The following EXOC6B variants were observed in gnomAD, a reference collection of about 807,000 sequenced individuals.
EXOC6B encodes the protein exocyst complex component 6B.
In EXOC6B, 54 loss-of-function variants were observed where a neutral mutation model predicts 113.5. The observed-to-expected ratio is 0.48, with a 90% confidence interval of 0.38 to 0.60. The LOEUF is 0.60. Among genes scored for constraint, EXOC6B ranks in the 20% least tolerant of loss-of-function variants. The probability of loss-of-function intolerance (pLI) is 0.00; values close to 1 mark genes in which losing one functional copy is unlikely to be tolerated. For missense variants in EXOC6B, 797 were observed against 977.5 expected, an observed-to-expected ratio of 0.82 and a Z score of 2.46; for synonymous variants, 357 against 339.0, an observed-to-expected ratio of 1.05 and a Z score of -0.58.
chr2:72,446,240 C>T (rs768617807), intron 18 of EXOC6B, among the ~76,000 whole-genome samples: 7 of 152,020 alleles, frequency 4.6e-5, no homozygotes, highest in Non-Finnish European at 7.4e-5. Context: ...CCTAAATGCA[C>T]ATCAATGACA....
intron 19 of EXOC6B, among the ~76,000 whole-genome samples, chr2:72,378,381 T>C (rs1303025459): frequency 6.6e-6 from 1 of 152,178 alleles, no homozygotes; most frequent in Non-Finnish European, 1.5e-5. Flanking sequence ...TGCTTTTTGT[T>C]TGGGCTCTGC....
intron 11 of EXOC6B, among the ~76,000 whole-genome samples, chr2:72,504,051 G>C (rs566530906): frequency 6.6e-6 from 1 of 152,176 alleles, no homozygotes; most frequent in East Asian, 1.9e-4. Flanking sequence ...GGGACCACAG[G>C]CACATGCAAC....
At chr2:72,731,620 C>A (rs1275768894) in intron 3 of EXOC6B, among the ~76,000 whole-genome samples, 1 of 152,142 alleles carries the variant, frequency 6.6e-6, no homozygotes, top group African/African-American at 2.4e-5. Flanking sequence ...ATTCCCCTAG[C>A]CCCAGTTTTA....
intron 21 of EXOC6B, among the ~76,000 whole-genome samples, chr2:72,181,801 G>C (rs1008595729): frequency 2.6e-5 from 4 of 152,192 alleles, no homozygotes; most frequent in East Asian, 3.9e-4. Context: ...GTACCCTGAG[G>C]GCTAGTGGTG....
intron 8 of EXOC6B, among the ~76,000 whole-genome samples, chr2:72,546,075 G>A (rs1298461428): frequency 6.6e-6 from 1 of 152,156 alleles, no homozygotes; most frequent in Middle Eastern, 3.2e-3. Context: ...AGATTAGAGT[G>A]GGAGAACCAT....
chr2:72,339,328 G>C (rs2420444), intron 19 of EXOC6B, among the ~76,000 whole-genome samples: 55,017 of 152,006 alleles, frequency 0.36, 16,212 homozygotes, highest in African/African-American at 0.82. Context: ...ATGGAAATTC[G>C]CTTTGTGGAC....
At chr2:72,185,334 C>G (rs186201972) in intron 20 of EXOC6B, among the ~76,000 whole-genome samples, 3 of 152,384 alleles carry the variant, frequency 2.0e-5, no homozygotes, top group African/African-American at 2.4e-5. Context: ...ACACCTTCCT[C>G]CATGTCTGTC....
chr2:72,804,683 C>T (rs1456379015), intron 1 of EXOC6B, among the ~76,000 whole-genome samples: 1 of 152,032 alleles, frequency 6.6e-6, no homozygotes, highest in African/African-American at 2.4e-5. Flanking sequence ...GCAACCTCTG[C>T]CTCCTGGATT....
chr2:72,289,114 A>G lies in EXOC6B; in HGVS notation c.2196+45833T>C, dbSNP rs145829874. The G allele has an allele frequency of 2.2e-3, 627 of 285,482 alleles. 1 individual carries two copies. The highest frequency in any genetic ancestry group is 0.014 in the African/African-American group (601 of 44,286). The allele number at this position is 285,482 out of a possible 1,614,324, so 17.7% of individuals were successfully genotyped here. ...GGGGAAATCCTGGGATTCTTTTTCT[A>G]GAGATGTAATACATATTTACAAATA... On this transcript the variant is annotated intron_variant, in intron 20 of 21. Transcript: ENST00000272427.
chr2:72,234,180 C>A (rs77024759), intron 20 of EXOC6B, among the ~76,000 whole-genome samples: 7,348 of 151,756 alleles, frequency 0.048, 198 homozygotes, highest in African/African-American at 0.061. Context: ...TCCGTCCCCC[C>A]GGTTTAAGCA....
At chr2:72,200,997 G>C (rs1679456759) in intron 20 of EXOC6B, among the ~76,000 whole-genome samples, 1 of 151,916 alleles carries the variant, frequency 6.6e-6, no homozygotes, top group Non-Finnish European at 1.5e-5. Flanking sequence ...TCCTGATGAA[G>C]GCTGCTATCA....
rs1019903416 is a variant in EXOC6B at position 72,176,409 on chromosome 2, T to C, written c.*2926A>G. On this transcript the variant is annotated 3_prime_UTR_variant, in exon 22 of 22. Coordinates refer to ENST00000272427, the MANE Select transcript of EXOC6B (RefSeq NM_015189.3). ...CTCAGAGGCCTGATGAGGAAGGTCA[T>C]GGCCAAAGCCAGTCTTGGGAGATAA... The C allele has an allele frequency of 2.2e-4, 34 of 152,290 alleles. No homozygotes were observed. The highest frequency in any genetic ancestry group is 5.8e-4 in the African/African-American group (24 of 41,442). 9.4% of individuals were successfully genotyped at this position (152,290 alleles called of 1,614,324 possible).
intron 6 of EXOC6B, among the ~76,000 whole-genome samples, chr2:72,665,387 A>T (rs1456388086): frequency 1.3e-5 from 2 of 152,218 alleles, no homozygotes; most frequent in East Asian, 3.8e-4. Context: ...ACCATGCCCA[A>T]GGCACAGTCA....
chr2:72,213,675 A>G (rs1011887318), intron 20 of EXOC6B, among the ~76,000 whole-genome samples: 3 of 152,124 alleles, frequency 2.0e-5, no homozygotes, highest in Admixed American at 1.3e-4. Context: ...CCTAGCTCCA[A>G]GGTGATAGTA....
intron 20 of EXOC6B, among the ~76,000 whole-genome samples, chr2:72,265,148 G>A (rs750669791): frequency 2.6e-5 from 4 of 152,072 alleles, no homozygotes; most frequent in Non-Finnish European, 5.9e-5. Context: ...TGCTGTTAGT[G>A]ATATGGACAA....
At chr2:72,179,496 T>G in intron 21 of EXOC6B, 35 bp from the exon 22 acceptor site, 2 of 1,613,110 alleles carry the variant, frequency 1.2e-6, no homozygotes, top group African/African-American at 1.3e-5. Context: ...GGCAACATGT[T>G]TGAGGAAACA....
intron 20 of EXOC6B, among the ~76,000 whole-genome samples, chr2:72,241,832 T>G (rs1369536693): frequency 6.6e-6 from 1 of 152,212 alleles, no homozygotes; most frequent in Non-Finnish European, 1.5e-5. Context: ...AAATTTGTGC[T>G]GGTAGACCTG....
intron 20 of EXOC6B, among the ~76,000 whole-genome samples, chr2:72,249,446 G>C (rs892054306): frequency 6.6e-6 from 1 of 151,852 alleles, no homozygotes; most frequent in African/African-American, 2.4e-5. Context: ...TAGTAGAGAC[G>C]GGGTTTCACC....
In EXOC6B at chr2:72,575,532, G is replaced by A; in HGVS notation, c.806C>T (p.Ser269Leu). The change falls in exon 7 of 22, where the codon TCA (serine) becomes TTA (leucine). Residue 269 changes from serine to leucine, a missense_variant. By Grantham distance (145) the Ser-to-Leu change is moderately radical. Coordinates refer to ENST00000272427, the MANE Select transcript of EXOC6B (RefSeq NM_015189.3). ...CTCGTCTTCAACATCCAGAATTCCT[G>A]AATCCTGTTCAGACTTCGGACTAGT... ...ESTSPKSEQDSGILDVEDEED... is the reference protein window; with the variant it reads ...ESTSPKSEQDLGILDVEDEED... 1 of 1,608,344 alleles carries A rather than the reference G, an allele frequency of 6.2e-7. No individual in the cohort carries two copies. The highest frequency in any genetic ancestry group is 1.7e-4 in the Middle Eastern group (1 of 6,044).
Sources: allele counts gnomAD v4.1 joint callset (sites outside exome capture counted in the v4.1 genomes callset), GRCh38; gene constraint gnomAD v4.1.1; transcripts MANE v1.5; gene names NCBI Gene and HGNC (gene_info 2026-07-23, HGNC 2026-07-21).